CDH4: variants seen among roughly 807,000 people sequenced by gnomAD.
CDH4 encodes the protein cadherin-4.
In CDH4, 33 loss-of-function variants were observed where a neutral mutation model predicts 86.0. The ratio of observed to expected loss-of-function variants is 0.38; its 90% CI spans 0.29 to 0.51. The LOEUF is 0.51. Among genes scored for constraint, CDH4 ranks in the 20% least tolerant of loss-of-function variants. CDH4 has a pLI of 0.86. For synonymous variants in CDH4, 555 were observed against 549.4 expected (o/e 1.01, Z -0.14); for missense variants, 1,114 against 1,307.4 (o/e 0.85, Z 2.28).
chr20:61,876,235 G>A (rs1984019408), intron 7 of CDH4, among the ~76,000 whole-genome samples: 1 of 152,240 alleles, frequency 6.6e-6, no homozygotes, highest in Admixed American at 6.5e-5. Flanking sequence ...CCCACAGACT[G>A]CCCCACCTGC....
At chr20:61,466,216 T>C (rs916772476) in intron 2 of CDH4, among the ~76,000 whole-genome samples, 2 of 152,226 alleles carry the variant, frequency 1.3e-5, no homozygotes, top group African/African-American at 2.4e-5. Flanking sequence ...TCTTTTTAGA[T>C]ATGCCCAAGC....
chr20:61,657,430 A>G (rs977395593), intron 2 of CDH4, among the ~76,000 whole-genome samples: 1 of 152,250 alleles, frequency 6.6e-6, no homozygotes, highest in African/African-American at 2.4e-5. Context: ...CAACCACAAG[A>G]CTATTTTCAA....
intron 2 of CDH4, among the ~76,000 whole-genome samples, chr20:61,712,891 C>T (rs969640675): frequency 3.3e-5 from 5 of 152,188 alleles, no homozygotes; most frequent in African/African-American, 9.7e-5. Flanking sequence ...GGTGGGAACT[C>T]CTCGTTGACA....
chr20:61,866,892 G>C (rs1402270456), intron 6 of CDH4, among the ~76,000 whole-genome samples: 1 of 152,252 alleles, frequency 6.6e-6, no homozygotes. Context: ...CGGAAAGCAG[G>C]GAGCGGTCCT....
intron 6 of CDH4, among the ~76,000 whole-genome samples, chr20:61,871,740 C>T (rs1983812084): frequency 6.6e-6 from 1 of 152,194 alleles, no homozygotes; most frequent in South Asian, 2.1e-4. Flanking sequence ...TGATGGTCGC[C>T]AGGCCACGGC....
At chr20:61,934,329 T>G (rs3827115) in intron 15 of CDH4, 109 bp downstream of exon 15, 374,341 of 1,242,426 alleles carry the variant, frequency 0.3, 62,223 homozygotes, top group East Asian at 0.74. Context: ...CTGCCGTGGG[T>G]GGGAGGCAGC....
At chr20:61,346,510 G>A (rs1046202416) in intron 2 of CDH4, among the ~76,000 whole-genome samples, 5 of 152,134 alleles carry the variant, frequency 3.3e-5, no homozygotes, top group African/African-American at 1.2e-4. Flanking sequence ...TTGGGAGGCT[G>A]AGGCAGGCGG....
chr20:61,818,093 G>A (rs1269926749), intron 4 of CDH4, among the ~76,000 whole-genome samples: 1 of 151,808 alleles, frequency 6.6e-6, no homozygotes, highest in Non-Finnish European at 1.5e-5. Flanking sequence ...GCAATGGTGC[G>A]ATCTTGGCTC....
In CDH4 at chr20:61,769,667, G is replaced by C. The variant is rs571349387; in HGVS notation, c.397-3336G>C. 8.5e-5 allele frequency among the ~76,000 whole-genome samples: 13 copies of C among 152,284 alleles called. No homozygotes were observed. In the East Asian group the frequency reaches 2.5e-3, roughly 30 times the overall value. ...CCTTGGCCTCGCATGGCAGGAAAGT[G>C]GGAATGATGGTGCTCCCCGCTGAAC... is the stretch of plus-strand genomic sequence containing the variant. On this transcript the variant is annotated intron_variant, in intron 3 of 15. Transcript: ENST00000614565.
chr20:61,456,380 T>C (rs1371762749), intron 2 of CDH4, among the ~76,000 whole-genome samples: 1 of 152,232 alleles, frequency 6.6e-6, no homozygotes, highest in Non-Finnish European at 1.5e-5. Context: ...GGTTCTCTGC[T>C]ACGGCTGATT....
intron 7 of CDH4, among the ~76,000 whole-genome samples, chr20:61,890,010 T>C (rs1384188023): frequency 6.7e-6 from 1 of 148,986 alleles, no homozygotes; most frequent in Non-Finnish European, 1.5e-5. Context: ...GATGGGTGGA[T>C]GGATCAATGA....
intron 2 of CDH4, among the ~76,000 whole-genome samples, chr20:61,706,315 G>T (rs549834081): frequency 2.0e-5 from 3 of 151,974 alleles, no homozygotes; most frequent in Non-Finnish European, 4.4e-5. Flanking sequence ...TCAGAGGGCC[G>T]GGGGGGATGA....
At chr20:61,429,049 G>T (rs1292829341) in intron 2 of CDH4, among the ~76,000 whole-genome samples, 1 of 143,646 alleles carries the variant, frequency 7.0e-6, no homozygotes, top group Non-Finnish European at 1.6e-5. Flanking sequence ...AGATGTTAAC[G>T]AAGATGACGG....
At chr20:61,450,086 A>G (rs182770328) in intron 2 of CDH4, among the ~76,000 whole-genome samples, 1 of 152,368 alleles carries the variant, frequency 6.6e-6, no homozygotes, top group African/African-American at 2.4e-5. Flanking sequence ...GTTAATTTCT[A>G]CAGTGTTGAC....
chr20:61,546,369 T>C (rs1397431459), intron 2 of CDH4, among the ~76,000 whole-genome samples: 1 of 150,536 alleles, frequency 6.6e-6, no homozygotes, highest in African/African-American at 2.5e-5. Flanking sequence ...CATGTGGGTG[T>C]AGGGGTGAGG....
At chr20:61,642,846 A>G (rs1390337569) in intron 2 of CDH4, among the ~76,000 whole-genome samples, 1 of 152,070 alleles carries the variant, frequency 6.6e-6, no homozygotes, top group Non-Finnish European at 1.5e-5. Context: ...AAGCCAGAAA[A>G]TGTATCATTT....
intron 2 of CDH4, among the ~76,000 whole-genome samples, chr20:61,460,910 C>A (rs1304067834): frequency 6.6e-6 from 1 of 152,158 alleles, no homozygotes; most frequent in East Asian, 1.9e-4. Flanking sequence ...GCTCTCTTGC[C>A]AGCACGGGCT....
chr20:61,861,299 G>A (rs567124172), intron 6 of CDH4, among the ~76,000 whole-genome samples: 2 of 152,280 alleles, frequency 1.3e-5, no homozygotes, highest in East Asian at 1.9e-4. Flanking sequence ...TCATCCACTC[G>A]GCCAGGTGCC....
chr20:61,641,935 T>C (rs12624573), intron 2 of CDH4, among the ~76,000 whole-genome samples: 2 of 1,470 alleles, frequency 1.4e-3, no homozygotes, highest in Admixed American at 3.1e-3. Flanking sequence ...CAGACGGGGC[T>C]GCCTGACCCA....
Sources: allele counts gnomAD v4.1 joint callset (sites outside exome capture counted in the v4.1 genomes callset), GRCh38; gene constraint gnomAD v4.1.1; transcripts MANE v1.5; gene names NCBI Gene and HGNC (gene_info 2026-07-23, HGNC 2026-07-21).